COX10: variants seen among roughly 807,000 people sequenced by gnomAD.
The protein encoded by COX10 is cytochrome c oxidase assembly factor heme A:farnesyltransferase COX10.
Under a neutral mutation model 37.3 loss-of-function variants are expected in COX10, and 27 were observed. The observed-to-expected ratio is 0.72, with a 90% confidence interval of 0.53 to 1.00. COX10 has a LOEUF of 1.00. Ranked by LOEUF, COX10 falls within the 50% of genes least tolerant of loss-of-function variation. The pLI is 0.00. For missense variants in COX10, 475 were observed against 563.2 expected (o/e 0.84, Z 1.59); for synonymous variants, 222 against 229.1 (o/e 0.97, Z 0.28).
intron 2 of COX10, among the ~76,000 whole-genome samples, chr17:14,076,252 C>T (rs533615769): frequency 6.6e-6 from 1 of 151,194 alleles, no homozygotes; most frequent in South Asian, 2.1e-4. Flanking sequence ...TGGGCGTATG[C>T]CACCATGACC....
At chr17:14,182,168 C>T in intron 5 of COX10, 2 of 975,704 alleles carry the variant, frequency 2.0e-6, no homozygotes, top group Non-Finnish European at 2.4e-6. Context: ...ATGATGCATG[C>T]CTATAATCGC....
chr17:14,071,461 A>T (rs532986273), intron 1 of COX10, among the ~76,000 whole-genome samples: 1 of 152,286 alleles, frequency 6.6e-6, no homozygotes, highest in South Asian at 2.1e-4. Context: ...CTACTAAGAG[A>T]GCTTGATGGG....
intron 6 of COX10, among the ~76,000 whole-genome samples, chr17:14,199,631 C>T (rs1906467349): frequency 6.6e-6 from 1 of 152,214 alleles, no homozygotes; most frequent in Non-Finnish European, 1.5e-5. Context: ...TCCTAAACTA[C>T]TAGCAAAGAA....
chr17:14,128,922 C>T (rs1244335034), intron 4 of COX10, among the ~76,000 whole-genome samples: 1 of 152,250 alleles, frequency 6.6e-6, no homozygotes, highest in Non-Finnish European at 1.5e-5. Flanking sequence ...TCTCGGCCCA[C>T]TGCAACCTCT....
intron 4 of COX10, among the ~76,000 whole-genome samples, chr17:14,150,738 T>TAC (rs1904870730): frequency 5.9e-5 from 9 of 152,274 alleles, no homozygotes; most frequent in Admixed American, 4.6e-4. Flanking sequence ...CAGTGTAAGG[T>TAC]ACTGGATTCT....
At chr17:14,108,018 G>T (rs1915934987) in intron 4 of COX10, among the ~76,000 whole-genome samples, 1 of 152,028 alleles carries the variant, frequency 6.6e-6, no homozygotes, top group Non-Finnish European at 1.5e-5. Flanking sequence ...TCTGACTATG[G>T]TTAGTAGCCA....
chr17:14,156,477 C>T (rs986573613), intron 4 of COX10, among the ~76,000 whole-genome samples: 2 of 152,216 alleles, frequency 1.3e-5, no homozygotes, highest in African/African-American at 2.4e-5. Flanking sequence ...ATCCGCCCCC[C>T]TTGGCCTCCC....
At chr17:14,153,428 TAA>T in intron 4 of COX10, among the ~76,000 whole-genome samples, 1 of 152,180 alleles carries the variant, frequency 6.6e-6, no homozygotes, top group East Asian at 1.9e-4. Flanking sequence ...GAGAGAGGAA[TAA>T]AAAGTTTGAT....
intron 3 of COX10, among the ~76,000 whole-genome samples, chr17:14,081,203 A>G (rs139130266): frequency 1.6e-3 from 239 of 152,338 alleles, no homozygotes; most frequent in Middle Eastern, 0.014. Flanking sequence ...GTTTACAGAA[A>G]AAGTTTGCTG....
chr17:14,197,251 C>T lies in COX10; in HGVS notation c.928+5030C>T, dbSNP rs79287727. Among the ~76,000 whole-genome samples the T allele has an allele frequency of 4.1e-3, 625 of 152,290 alleles. 4 individuals carry two copies. Among genetic ancestry groups the T allele is most frequent in the African/African-American group, 0.014 (597 of 41,558 alleles). On this transcript the variant is annotated intron_variant, in intron 6 of 6. Coordinates refer to ENST00000261643, the MANE Select transcript of COX10 (RefSeq NM_001303.4). The stretch of plus-strand genomic sequence containing the variant: ...CACCAAGCAAGGAAATGCAGTATGT[C>T]GGGAAGTACCTTTTCCCCTTTGTGG...
At chr17:14,197,619 G>A (rs1906405278) in intron 6 of COX10, among the ~76,000 whole-genome samples, 1 of 152,236 alleles carries the variant, frequency 6.6e-6, no homozygotes. Context: ...TGAGCAGATG[G>A]ATGTTGTGAA....
At chr17:14,165,219 C>T (rs1905253054) in intron 5 of COX10, among the ~76,000 whole-genome samples, 1 of 152,120 alleles carries the variant, frequency 6.6e-6, no homozygotes, top group African/African-American at 2.4e-5. Flanking sequence ...TTTTATTGCA[C>T]TTTGCTTTAT....
At chr17:14,180,894 G>T (rs1487092639) in intron 5 of COX10, among the ~76,000 whole-genome samples, 1 of 130,408 alleles carries the variant, frequency 7.7e-6, no homozygotes, top group Non-Finnish European at 1.8e-5. Context: ...TGCATGGTTT[G>T]TAAAGGTTCC....
At chr17:14,203,228 C>T (rs1046769045) in intron 6 of COX10, among the ~76,000 whole-genome samples, 2 of 151,738 alleles carry the variant, frequency 1.3e-5, no homozygotes, top group African/African-American at 4.8e-5. Flanking sequence ...AAGATTTATA[C>T]ATATATAAAT....
intron 4 of COX10, among the ~76,000 whole-genome samples, chr17:14,150,916 G>A (rs1167236202): frequency 6.6e-6 from 1 of 152,084 alleles, no homozygotes; most frequent in Non-Finnish European, 1.5e-5. Flanking sequence ...TGAAAAAGGG[G>A]GCCAAACAGT....
chr17:14,193,566 G>A (rs1216475159), intron 6 of COX10, among the ~76,000 whole-genome samples: 5 of 148,276 alleles, frequency 3.4e-5, no homozygotes, highest in Admixed American at 6.8e-5. Context: ...AGCCTGGTGG[G>A]AAAGAGTGCT....
At chr17:14,109,419 C>T (rs1915966110) in intron 4 of COX10, among the ~76,000 whole-genome samples, 2 of 152,148 alleles carry the variant, frequency 1.3e-5, no homozygotes, top group African/African-American at 4.8e-5. Context: ...CAAAATAACT[C>T]CAGGTGAGGT....
chr17:14,071,402 C>G (rs549193480), intron 1 of COX10, among the ~76,000 whole-genome samples: 1 of 152,226 alleles, frequency 6.6e-6, no homozygotes, highest in South Asian at 2.1e-4. Context: ...TTGCCAAAAA[C>G]TCTGCTAGTA....
intron 3 of COX10, among the ~76,000 whole-genome samples, chr17:14,096,128 C>G (rs1277009490): frequency 6.6e-6 from 1 of 152,048 alleles, no homozygotes; most frequent in African/African-American, 2.4e-5. Context: ...GTCTGTCTTC[C>G]TCTTCTTATA....
Sources: gnomAD v4.1 joint callset for allele counts (sites outside exome capture counted in the v4.1 genomes callset) on GRCh38, gnomAD v4.1.1 for gene constraint, MANE v1.5 for transcripts, NCBI Gene and HGNC (gene_info 2026-07-23, HGNC 2026-07-21) for gene names.